The following PDE3A variants were observed in gnomAD, a reference collection of about 807,000 sequenced individuals.
The protein encoded by PDE3A is cGMP-inhibited 3',5'-cyclic phosphodiesterase 3A.
In PDE3A, 43 loss-of-function variants were observed where a neutral mutation model predicts 98.3. That is an observed-to-expected ratio of 0.44 (90% CI 0.34 to 0.56). PDE3A has a LOEUF of 0.56. PDE3A is among the 20% of genes least tolerant of loss of function. PDE3A has a pLI of 0.01. For missense variants in PDE3A, 1,427 were observed against 1,440.7 expected, an observed-to-expected ratio of 0.99 and a Z score of 0.15; for synonymous variants, 663 against 567.9, an observed-to-expected ratio of 1.17 and a Z score of -2.38.
chr12:20,644,771 A>T (rs1015194316), intron 10 of PDE3A, among the ~76,000 whole-genome samples: 21 of 151,824 alleles, frequency 1.4e-4, no homozygotes, highest in African/African-American at 4.8e-4. Flanking sequence ...ACACAGGTAT[A>T]CAAGTTTTGC....
chr12:20,436,357 T>C (rs2120822690), intron 1 of PDE3A, among the ~76,000 whole-genome samples: 1 of 152,204 alleles, frequency 6.6e-6, no homozygotes, highest in East Asian at 1.9e-4. Flanking sequence ...AAAAAAACTA[T>C]GCTGCTTTCT....
chr12:20,666,116 C>T (rs1945304135), intron 15 of PDE3A, among the ~76,000 whole-genome samples: 1 of 151,820 alleles, frequency 6.6e-6, no homozygotes, highest in African/African-American at 2.4e-5. Flanking sequence ...AGGCATATGC[C>T]ACCATGCCCG....
chr12:20,651,599 T>C (rs1440452912), intron 14 of PDE3A, among the ~76,000 whole-genome samples: 1 of 152,120 alleles, frequency 6.6e-6, no homozygotes, highest in Non-Finnish European at 1.5e-5. Flanking sequence ...TGGGAGGTAG[T>C]GTTCAGGTCA....
intron 6 of PDE3A, among the ~76,000 whole-genome samples, chr12:20,631,780 T>G (rs775834707): frequency 1.3e-5 from 2 of 150,180 alleles, no homozygotes; most frequent in Non-Finnish European, 2.9e-5. Context: ...AACAAGAGGA[T>G]TTCACTGTCT....
chr12:20,531,603 G>A (rs1941600325), intron 1 of PDE3A, among the ~76,000 whole-genome samples: 1 of 152,050 alleles, frequency 6.6e-6, no homozygotes, highest in African/African-American at 2.4e-5. Flanking sequence ...GAAGCCCAGA[G>A]AGGTGACATG....
At chr12:20,386,140 T>TA (rs1565532607) in intron 1 of PDE3A, among the ~76,000 whole-genome samples, 1 of 84,948 alleles carries the variant, frequency 1.2e-5, no homozygotes, top group Non-Finnish European at 2.0e-5. Context: ...TAAATATATA[T>TA]AAATATATAT....
chr12:20,492,815 C>T (rs762707735), intron 1 of PDE3A, among the ~76,000 whole-genome samples: 2 of 152,130 alleles, frequency 1.3e-5, no homozygotes, highest in Middle Eastern at 3.2e-3. Context: ...GATCCATGGA[C>T]TCCAGAATCC....
intron 1 of PDE3A, among the ~76,000 whole-genome samples, chr12:20,483,995 C>T (rs1402285266): frequency 2.6e-5 from 4 of 152,178 alleles, no homozygotes; most frequent in Non-Finnish European, 4.4e-5. Context: ...CTTTACTCCT[C>T]CCATATCCAA....
intron 10 of PDE3A, among the ~76,000 whole-genome samples, chr12:20,644,110 T>C (rs984997350): frequency 6.6e-6 from 1 of 152,182 alleles, no homozygotes; most frequent in African/African-American, 2.4e-5. Context: ...CAGGAGAAGA[T>C]AATTTAAGAA....
chr12:20,464,134 T>C (rs1033374118), intron 1 of PDE3A, among the ~76,000 whole-genome samples: 1 of 152,184 alleles, frequency 6.6e-6, no homozygotes, highest in Non-Finnish European at 1.5e-5. Flanking sequence ...GATGGCTCTG[T>C]TCTCAGAGTG....
At chr12:20,531,415 T>G (rs1215528579) in intron 1 of PDE3A, among the ~76,000 whole-genome samples, 1 of 152,188 alleles carries the variant, frequency 6.6e-6, no homozygotes, top group Non-Finnish European at 1.5e-5. Flanking sequence ...TTACAAAATG[T>G]ATAGTTGAGT....
At chr12:20,561,639 T>G (rs1942524148) in intron 2 of PDE3A, among the ~76,000 whole-genome samples, 2 of 152,072 alleles carry the variant, frequency 1.3e-5, no homozygotes, top group African/African-American at 4.8e-5. Context: ...TTTTTTAAAG[T>G]CAACCTTAAT....
chr12:20,648,909 C>T lies in PDE3A; in HGVS notation c.2769+18C>T, dbSNP rs1944841563. The T allele has an allele frequency of 2.2e-6, 3 of 1,372,276 alleles. No individual in the cohort carries two copies. The South Asian group carries it at 3.8e-5, about 17-fold the overall frequency. 85.0% of individuals were successfully genotyped at this position (1,372,276 alleles called of 1,614,324 possible). A position where few individuals can be genotyped will look rare whatever the true frequency, so the allele number is the denominator to read the frequency against. ...ATGGCAAGGTAAATAGAGCTGTACC[C>T]AGTTTTCTTTTCTTTTTCTTTTTTT... On this transcript the variant is annotated intron_variant, in intron 13 of 15. Transcript: ENST00000359062.
intron 15 of PDE3A, among the ~76,000 whole-genome samples, chr12:20,654,497 G>C (rs1042001582): frequency 1.3e-5 from 2 of 150,010 alleles, no homozygotes; most frequent in Admixed American, 1.3e-4. Flanking sequence ...CTGGTTTTTT[G>C]TTTGTTTTTT....
intron 1 of PDE3A, among the ~76,000 whole-genome samples, chr12:20,393,709 T>G (rs1384351168): frequency 2.0e-5 from 3 of 151,990 alleles, no homozygotes; most frequent in Admixed American, 6.6e-5. Flanking sequence ...TGCACTAAAT[T>G]CTGTGTACTT....
intron 1 of PDE3A, among the ~76,000 whole-genome samples, chr12:20,531,007 T>G (rs1455627410): frequency 6.6e-6 from 1 of 152,174 alleles, no homozygotes; most frequent in Non-Finnish European, 1.5e-5. Context: ...GGTCTGCTCC[T>G]TTGAAATGTC....
intron 1 of PDE3A, among the ~76,000 whole-genome samples, chr12:20,462,589 G>A (rs1223022969): frequency 4.6e-5 from 7 of 152,076 alleles, no homozygotes; most frequent in Non-Finnish European, 8.8e-5. Flanking sequence ...CCTCAGAGTG[G>A]CCGTATAGAT....
chr12:20,511,064 G>A lies in PDE3A; in HGVS notation c.961-45596G>A, dbSNP rs1302892571. Reference sequence around the variant, plus strand: ...CCACTGCAACAACTAAGTCACCACTGAGTCAAAAATAGGATCTGCTTGACT... The same window carrying A: ...CCACTGCAACAACTAAGTCACCACTAAGTCAAAAATAGGATCTGCTTGACT... On this transcript the variant is annotated intron_variant, in intron 1 of 15. Coordinates refer to ENST00000359062, the MANE Select transcript of PDE3A (RefSeq NM_000921.5). Among the ~76,000 whole-genome samples the A allele has an allele frequency of 2.0e-5, 3 of 152,006 alleles. No individual in the cohort carries two copies. In the East Asian group the frequency reaches 5.8e-4, roughly 29 times the overall value.
intron 1 of PDE3A, among the ~76,000 whole-genome samples, chr12:20,377,521 C>G (rs1309325557): frequency 6.6e-6 from 1 of 151,692 alleles, no homozygotes; most frequent in East Asian, 1.9e-4. Context: ...CCATATTGGA[C>G]AGTGCAGCTC....
Sources: allele counts gnomAD v4.1 joint callset (sites outside exome capture counted in the v4.1 genomes callset), GRCh38; gene constraint gnomAD v4.1.1; transcripts MANE v1.5; gene names NCBI Gene and HGNC (gene_info 2026-07-23, HGNC 2026-07-21).